The following OSBPL10 variants were observed in gnomAD, a reference collection of about 807,000 sequenced individuals.
The protein encoded by OSBPL10 is oxysterol-binding protein-related protein 10.
Under a neutral mutation model 81.7 loss-of-function variants are expected in OSBPL10, and 49 were observed. That is an observed-to-expected ratio of 0.60 (90% CI 0.48 to 0.76). The LOEUF (loss-of-function observed/expected upper bound fraction) is 0.76, where lower values mean the gene tolerates loss of function less well. Among genes scored for constraint, OSBPL10 ranks in the 30% least tolerant of loss-of-function variants. The probability of loss-of-function intolerance (pLI) is 0.00; values close to 1 mark genes in which losing one functional copy is unlikely to be tolerated. For synonymous variants in OSBPL10, 419 were observed against 383.6 expected, an observed-to-expected ratio of 1.09 and a Z score of -1.08; for missense variants, 923 against 987.8, an observed-to-expected ratio of 0.93 and a Z score of 0.88.
intron 3 of OSBPL10, among the ~76,000 whole-genome samples, chr3:31,864,912 G>C (rs1248211813): frequency 6.6e-6 from 1 of 152,104 alleles, no homozygotes; most frequent in African/African-American, 2.4e-5. Context: ...GCGTGAACAA[G>C]TAGCTGACCC....
At chr3:31,854,330 C>G (rs1700851771) in intron 3 of OSBPL10, among the ~76,000 whole-genome samples, 1 of 152,158 alleles carries the variant, frequency 6.6e-6, no homozygotes, top group African/African-American at 2.4e-5. Flanking sequence ...AGTGTTCTAA[C>G]CAGTTCTCTG....
In OSBPL10 at chr3:31,830,113, G is replaced by T; in HGVS notation, c.656C>A (p.Thr219Lys). The T allele has an allele frequency of 1.9e-6, 3 of 1,614,132 alleles. No homozygotes were observed. Among genetic ancestry groups the T allele is most frequent in the Non-Finnish European group, 2.5e-6 (3 of 1,180,030 alleles). The change falls in exon 4 of 12, where the codon ACG (threonine) becomes AAG (lysine). Residue 219 changes from threonine (T) to lysine (K), a missense_variant. By Grantham distance (78) the Thr-to-Lys change is moderately conservative. Around this residue, in one of 3 missense-constraint regions of OSBPL10, gnomAD observed 514 missense variants for 508.0 expected, o/e 1.01. Coordinates refer to ENST00000396556, the MANE Select transcript of OSBPL10 (RefSeq NM_017784.5). The part of the protein sequence containing the change: ...SVGAPGVVTI[T>K]HHKSPAAARR... ...GGCGGCTGCAGGCGACTTGTGATGC[G>T]TGATTGTGACAACACCGGGGGCCCC...
chr3:31,692,400 T>C (rs372893713), intron 7 of OSBPL10, among the ~76,000 whole-genome samples: 3 of 152,188 alleles, frequency 2.0e-5, no homozygotes, highest in East Asian at 1.9e-4. Context: ...TAGACCCCTA[T>C]AATCAGGAAT....
At chr3:31,971,109 GT>G (rs1049244050) in intron 1 of OSBPL10, among the ~76,000 whole-genome samples, 18 of 138,170 alleles carry the variant, frequency 1.3e-4, no homozygotes, top group South Asian at 4.9e-4. Flanking sequence ...TAATGAGTTG[GT>G]TTTTTTTTTC....
intron 1 of OSBPL10, among the ~76,000 whole-genome samples, chr3:31,921,888 A>G (rs1283247356): frequency 6.6e-6 from 1 of 152,220 alleles, no homozygotes; most frequent in Non-Finnish European, 1.5e-5. Context: ...TGTACCCTTG[A>G]TATGATGTGA....
intron 1 of OSBPL10, among the ~76,000 whole-genome samples, chr3:31,944,298 G>C (rs1433071656): frequency 6.6e-6 from 1 of 151,978 alleles, no homozygotes; most frequent in East Asian, 1.9e-4. Flanking sequence ...AAAATAAGCA[G>C]CTTTTTTAAA....
intron 1 of OSBPL10, among the ~76,000 whole-genome samples, chr3:31,880,116 A>G (rs1023492574): frequency 2.0e-5 from 3 of 152,224 alleles, no homozygotes. Context: ...TGGATACCAC[A>G]TTAAACCTCA....
At chr3:31,759,422 ATGTTT>A (rs144026131) in intron 4 of OSBPL10, among the ~76,000 whole-genome samples, 2,766 of 152,258 alleles carry the variant, frequency 0.018, 82 homozygotes, top group African/African-American at 0.063. Flanking sequence ...AGGCTACTCT[ATGTTT>A]TGTTTTAATT....
chr3:31,937,317 A>G (rs1697404391), intron 1 of OSBPL10, among the ~76,000 whole-genome samples: 1 of 152,088 alleles, frequency 6.6e-6, no homozygotes, highest in Non-Finnish European at 1.5e-5. Context: ...AGGAACATGA[A>G]ACACTCAAAT....
At position 31,815,771 on chromosome 3, in the gene OSBPL10, T is replaced by C. The variant is rs541254241; in HGVS notation, c.729+14269A>G. The stretch of plus-strand genomic sequence containing the variant: ...CAAGAATAAGATCACAAAACACAGG[T>C]GCCAAGGGGGGTTTGAGTGTCACAG... On this transcript the variant is annotated intron_variant, in intron 4 of 11. Transcript: ENST00000396556. Among the ~76,000 whole-genome samples, 16 of 152,168 alleles carry C rather than the reference T, an allele frequency of 1.1e-4. No homozygotes were observed. In the East Asian group the frequency reaches 2.5e-3, roughly 24 times the overall value.
intron 4 of OSBPL10, among the ~76,000 whole-genome samples, chr3:31,798,942 G>A (rs1699305626): frequency 6.6e-6 from 1 of 152,118 alleles, no homozygotes. Context: ...AATAGGGTTT[G>A]AACTCCTATG....
chr3:31,949,001 A>G (rs1310900439), intron 1 of OSBPL10, among the ~76,000 whole-genome samples: 4 of 152,232 alleles, frequency 2.6e-5, no homozygotes, highest in Admixed American at 2.6e-4. Flanking sequence ...TGCCAGAGAA[A>G]TTCCTTAATT....
chr3:31,926,289 G>GCCCCCAC, intron 1 of OSBPL10, among the ~76,000 whole-genome samples: 1 of 130,198 alleles, frequency 7.7e-6, no homozygotes, highest in Non-Finnish European at 1.6e-5. Context: ...GGGTGATTTT[G>GCCCCCAC]CCCCCCCAGA....
At chr3:31,772,440 C>CTTT (rs1428230068) in intron 4 of OSBPL10, among the ~76,000 whole-genome samples, 1 of 152,202 alleles carries the variant, frequency 6.6e-6, no homozygotes, top group Non-Finnish European at 1.5e-5. Context: ...AGACTATAAT[C>CTTT]TTAAATGCAA....
chr3:31,879,746 C>T lies in OSBPL10; in HGVS notation c.366G>A (p.Leu122=), dbSNP rs762394692. The T allele has an allele frequency of 1.9e-6, 3 of 1,614,176 alleles. No individual in the cohort carries two copies. Among genetic ancestry groups the T allele is most frequent in the Non-Finnish European group, 8.5e-7 (1 of 1,180,032 alleles). Residue 122 remains leucine (L), a synonymous_variant, in exon 2 of 12, where the codon CTG becomes CTA. Coordinates refer to ENST00000396556, the MANE Select transcript of OSBPL10 (RefSeq NM_017784.5). The part of the protein sequence containing the change: ...QSKHQKPRGV[L]SLSGAIVSLS... The stretch of plus-strand genomic sequence containing the variant: ...GGGACACTATGGCTCCAGATAAAGA[C>T]AGGACTCCTCGAGGCTTCTGGTGTT...
At chr3:31,736,547 C>T (rs182650898) in intron 5 of OSBPL10, among the ~76,000 whole-genome samples, 5 of 152,298 alleles carry the variant, frequency 3.3e-5, no homozygotes, top group Admixed American at 2.0e-4. Context: ...TTCCTACTGA[C>T]CAATTCCCGC....
intron 4 of OSBPL10, among the ~76,000 whole-genome samples, chr3:31,760,171 T>TGAG (rs1175581263): frequency 6.6e-6 from 1 of 152,118 alleles, no homozygotes; most frequent in Non-Finnish European, 1.5e-5. Flanking sequence ...TTGAGTAGGC[T>TGAG]GAGGAGGAGG....
chr3:31,684,731 C>T (rs181721206), intron 7 of OSBPL10, among the ~76,000 whole-genome samples: 4 of 152,182 alleles, frequency 2.6e-5, no homozygotes, highest in African/African-American at 7.2e-5. Flanking sequence ...CATCAGCAGG[C>T]AAATATCCAC....
At chr3:31,852,176 G>C (rs1700784109) in intron 3 of OSBPL10, among the ~76,000 whole-genome samples, 1 of 152,172 alleles carries the variant, frequency 6.6e-6, no homozygotes, top group African/African-American at 2.4e-5. Context: ...CAGAAATGGA[G>C]ATAAGACCTA....
Sources: allele counts gnomAD v4.1 joint callset (sites outside exome capture counted in the v4.1 genomes callset), GRCh38; gene constraint gnomAD v4.1.1; regional missense constraint gnomAD v4.1.1; transcripts MANE v1.5; gene names NCBI Gene and HGNC (gene_info 2026-07-23, HGNC 2026-07-21).